Variants in TMEM178B observed in about 807,000 individuals in gnomAD.
TMEM178B encodes transmembrane protein 178B.
A neutral mutation model predicts 31.0 loss-of-function variants in TMEM178B; 5 were observed. That is an observed-to-expected ratio of 0.16 (90% confidence interval 0.08 to 0.34). The LOEUF is 0.34. Among genes scored for constraint, TMEM178B ranks in the 10% least tolerant of loss-of-function variants. TMEM178B has a pLI of 1.00. For missense variants in TMEM178B, 275 were observed against 400.3 expected, an observed-to-expected ratio of 0.69 and a Z score of 2.67; for synonymous variants, 164 against 164.0, an observed-to-expected ratio of 1.00 and a Z score of 0.00.
At chr7:141,327,179 C>T (rs1261848083) in intron 2 of TMEM178B, among the ~76,000 whole-genome samples, 1 of 152,100 alleles carries the variant, frequency 6.6e-6, no homozygotes, top group Non-Finnish European at 1.5e-5. Context: ...GGCCTCTTTG[C>T]ATGATGTATA....
chr7:141,412,135 C>T (rs1036091104), intron 2 of TMEM178B, among the ~76,000 whole-genome samples: 4 of 152,024 alleles, frequency 2.6e-5, no homozygotes, highest in African/African-American at 9.7e-5. Context: ...AAGAAGTGAC[C>T]ACATAGGGCA....
chr7:141,108,595 G>T (rs886490091), intron 1 of TMEM178B, among the ~76,000 whole-genome samples: 2 of 152,122 alleles, frequency 1.3e-5, no homozygotes, highest in Non-Finnish European at 2.9e-5. Context: ...TGATGGAGGG[G>T]CGAAGAGGAA....
intron 1 of TMEM178B, among the ~76,000 whole-genome samples, chr7:141,076,601 T>C (rs553046): frequency 0.66 from 100,836 of 152,050 alleles, 34,536 homozygotes; most frequent in Admixed American, 0.77. Context: ...GTCTGTGCAC[T>C]GGAGGGGTTG....
intron 1 of TMEM178B, among the ~76,000 whole-genome samples, chr7:141,099,083 T>A (rs1018929410): frequency 2.6e-5 from 4 of 152,230 alleles, no homozygotes; most frequent in African/African-American, 9.6e-5. Context: ...CAGAATGGAA[T>A]CTAGGGACAG....
At chr7:141,312,658 C>G (rs1798932684) in intron 2 of TMEM178B, among the ~76,000 whole-genome samples, 1 of 152,196 alleles carries the variant, frequency 6.6e-6, no homozygotes, top group Non-Finnish European at 1.5e-5. Context: ...TATTCCAAAA[C>G]AGTTTCTAAA....
intron 1 of TMEM178B, among the ~76,000 whole-genome samples, chr7:141,095,302 A>G (rs1414779918): frequency 6.6e-6 from 1 of 152,116 alleles, no homozygotes; most frequent in Non-Finnish European, 1.5e-5. Context: ...CCAATTTGGA[A>G]ACCATGTGAG....
intron 1 of TMEM178B, among the ~76,000 whole-genome samples, chr7:141,112,623 C>A (rs1379336146): frequency 1.3e-5 from 2 of 152,206 alleles, no homozygotes; most frequent in East Asian, 3.8e-4. Context: ...TCAGTAATTT[C>A]TTCTCTTCCT....
chr7:141,156,199 C>T (rs2129181047), intron 1 of TMEM178B, among the ~76,000 whole-genome samples: 1 of 152,306 alleles, frequency 6.6e-6, no homozygotes, highest in Non-Finnish European at 1.5e-5. Flanking sequence ...CTGCCAATAA[C>T]CAGCTCTGTA....
At chr7:141,441,023 G>A (rs1216135874) in intron 3 of TMEM178B, among the ~76,000 whole-genome samples, 1 of 152,228 alleles carries the variant, frequency 6.6e-6, no homozygotes, top group Non-Finnish European at 1.5e-5. Context: ...CTCTCTCAGG[G>A]GTGGGAGGGC....
At chr7:141,426,773 G>GTTA (rs1801324809) in intron 2 of TMEM178B, among the ~76,000 whole-genome samples, 1 of 152,034 alleles carries the variant, frequency 6.6e-6, no homozygotes, top group South Asian at 2.1e-4. Context: ...ACTACATTAT[G>GTTA]TAGTTATATA....
intron 1 of TMEM178B, among the ~76,000 whole-genome samples, chr7:141,153,480 A>G (rs889362009): frequency 3.3e-5 from 5 of 152,206 alleles, no homozygotes; most frequent in Non-Finnish European, 7.3e-5. Context: ...GATAAATTCT[A>G]TTAGTGCTAT....
At chr7:141,406,866 G>A (rs752134553) in intron 2 of TMEM178B, among the ~76,000 whole-genome samples, 15 of 152,138 alleles carry the variant, frequency 9.9e-5, no homozygotes, top group Non-Finnish European at 2.1e-4. Flanking sequence ...TCTAGAATTC[G>A]CACCTCCAGG....
chr7:141,225,092 G>A (rs1797319603), intron 2 of TMEM178B, among the ~76,000 whole-genome samples: 1 of 152,228 alleles, frequency 6.6e-6, no homozygotes, highest in South Asian at 2.1e-4. Context: ...GGTTGCCAGT[G>A]ATGGAATTGA....
intron 2 of TMEM178B, among the ~76,000 whole-genome samples, chr7:141,248,809 G>A (rs1797782082): frequency 6.6e-6 from 1 of 152,174 alleles, no homozygotes; most frequent in Admixed American, 6.5e-5. Flanking sequence ...GGCTTCATAA[G>A]CACGATACAC....
At chr7:141,114,241 T>C (rs1253976224) in intron 1 of TMEM178B, among the ~76,000 whole-genome samples, 4 of 152,252 alleles carry the variant, frequency 2.6e-5, no homozygotes, top group Non-Finnish European at 5.9e-5. Context: ...TCTTGTACTC[T>C]GATCATTGCT....
chr7:141,448,179 C>T (rs946492037), intron 3 of TMEM178B, among the ~76,000 whole-genome samples: 5 of 152,010 alleles, frequency 3.3e-5, no homozygotes, highest in African/African-American at 7.3e-5. Flanking sequence ...GAGAACACAA[C>T]CTGTTAATCA....
intron 3 of TMEM178B, among the ~76,000 whole-genome samples, chr7:141,438,348 A>G (rs1801589150): frequency 2.6e-5 from 4 of 152,076 alleles, no homozygotes; most frequent in African/African-American, 7.2e-5. Context: ...CTGCACAACT[A>G]TGTGGGAATA....
rs564259252 is a variant in TMEM178B, at chr7:141,399,941, A to T, written c.497-37667A>T. Reference sequence around the variant, plus strand: ...CACCGGTATTCTCCATCTAAAAAGAAAATGTAGTGGCCAAGAAAAACTCAT... The same window carrying T: ...CACCGGTATTCTCCATCTAAAAAGATAATGTAGTGGCCAAGAAAAACTCAT... On this transcript the variant is annotated intron_variant, in intron 2 of 3. Transcript: ENST00000565468. 2.0e-5 allele frequency among the ~76,000 whole-genome samples: 3 copies of T among 152,316 alleles called. No homozygotes were observed. The East Asian group carries it at 5.8e-4, about 29-fold the overall frequency.
At chr7:141,489,185 C>A in the TMEM178B span, among the ~76,000 whole-genome samples, 1 of 152,166 alleles carries the variant, frequency 6.6e-6, no homozygotes, top group African/African-American at 2.4e-5. Flanking sequence ...TTCATCCTTC[C>A]ATCTCTTATC....
Sources: gnomAD v4.1 joint callset for allele counts (sites outside exome capture counted in the v4.1 genomes callset) on GRCh38, gnomAD v4.1.1 for gene constraint, MANE v1.5 for transcripts, NCBI Gene and HGNC (gene_info 2026-07-23, HGNC 2026-07-21) for gene names.